Variants in ASIC2 observed in about 807,000 individuals in gnomAD.
The protein encoded by ASIC2 is acid sensing ion channel subunit 2.
A neutral mutation model predicts 57.3 loss-of-function variants in ASIC2; 25 were observed. That is an observed-to-expected ratio of 0.44 (90% CI 0.32 to 0.61). The LOEUF is 0.61. Among genes scored for constraint, ASIC2 ranks in the 20% least tolerant of loss-of-function variants. ASIC2 has a pLI of 0.06. For missense variants in ASIC2, 641 were observed against 738.1 expected (o/e 0.87, Z 1.52); for synonymous variants, 319 against 307.5 (o/e 1.04, Z -0.39).
chr17:33,774,099 G>C (rs911680123), intron 1 of ASIC2, among the ~76,000 whole-genome samples: 1 of 152,158 alleles, frequency 6.6e-6, no homozygotes, highest in African/African-American at 2.4e-5. Context: ...AGTGGCATGG[G>C]CAAGATAAAA....
At chr17:33,302,244 C>A (rs1424282451) in intron 1 of ASIC2, among the ~76,000 whole-genome samples, 1 of 152,192 alleles carries the variant, frequency 6.6e-6, no homozygotes, top group Admixed American at 6.5e-5. Context: ...CATAACAAAA[C>A]TCTCGTTAAA....
intron 1 of ASIC2, among the ~76,000 whole-genome samples, chr17:33,307,220 C>G (rs1189198404): frequency 6.6e-6 from 1 of 151,952 alleles, no homozygotes. Flanking sequence ...ATTTCTTTAC[C>G]TGGTGGTCTT....
chr17:33,208,676 T>C (rs534878310), intron 1 of ASIC2, among the ~76,000 whole-genome samples: 134 of 151,756 alleles, frequency 8.8e-4, no homozygotes, highest in Non-Finnish European at 1.7e-3. Context: ...TTATTATTAT[T>C]ATTATATTTA....
intron 1 of ASIC2, among the ~76,000 whole-genome samples, chr17:33,627,876 G>A (rs1399126227): frequency 2.0e-5 from 3 of 152,054 alleles, no homozygotes; most frequent in Admixed American, 6.5e-5. Context: ...TCTCCAGCTT[G>A]GATGTAAGAA....
At chr17:33,210,639 G>C (rs1432644523) in intron 1 of ASIC2, among the ~76,000 whole-genome samples, 2 of 152,178 alleles carry the variant, frequency 1.3e-5, no homozygotes, top group Non-Finnish European at 2.9e-5. Flanking sequence ...TCAAGTCCTG[G>C]CTGAGTGAGC....
intron 1 of ASIC2, among the ~76,000 whole-genome samples, chr17:34,059,459 T>C (rs1441621427): frequency 6.6e-6 from 1 of 152,164 alleles, no homozygotes; most frequent in East Asian, 1.9e-4. Flanking sequence ...AGCTGAGCTT[T>C]TTAACAACTT....
At chr17:33,632,180 G>A (rs1906195371) in intron 1 of ASIC2, among the ~76,000 whole-genome samples, 1 of 152,184 alleles carries the variant, frequency 6.6e-6, no homozygotes, top group Admixed American at 6.5e-5. Flanking sequence ...GAGGGTTTGT[G>A]ATGATCAAAT....
At chr17:33,937,707 A>G (rs181852351) in intron 1 of ASIC2, among the ~76,000 whole-genome samples, 460 of 152,290 alleles carry the variant, frequency 3.0e-3, no homozygotes, top group African/African-American at 0.01. Context: ...CCCTATCCAC[A>G]TTGCCAGGTA....
intron 1 of ASIC2, among the ~76,000 whole-genome samples, chr17:33,424,341 G>T (rs1911144404): frequency 6.6e-6 from 1 of 152,198 alleles, no homozygotes; most frequent in African/African-American, 2.4e-5. Context: ...TGGTCCTTTT[G>T]TCTGCACCAC....
At chr17:33,850,893 T>C (rs949085098) in intron 1 of ASIC2, among the ~76,000 whole-genome samples, 11 of 152,026 alleles carry the variant, frequency 7.2e-5, no homozygotes, top group Non-Finnish European at 1.6e-4. Flanking sequence ...CAAAATGACT[T>C]GGACTTGGCC....
At chr17:33,072,279 T>G (rs980480163) in intron 3 of ASIC2, among the ~76,000 whole-genome samples, 3 of 152,218 alleles carry the variant, frequency 2.0e-5, no homozygotes, top group Non-Finnish European at 4.4e-5. Flanking sequence ...TTGCCTAATA[T>G]TCAATGTCTT....
chr17:33,742,291 C>G (rs1182500244), intron 1 of ASIC2, among the ~76,000 whole-genome samples: 1 of 152,206 alleles, frequency 6.6e-6, no homozygotes, highest in Non-Finnish European at 1.5e-5. Flanking sequence ...GTCATTAAGC[C>G]TCTCTAACCA....
At chr17:33,932,027 CCT>C (rs753244575) in intron 1 of ASIC2, among the ~76,000 whole-genome samples, 20 of 152,146 alleles carry the variant, frequency 1.3e-4, no homozygotes, top group Admixed American at 7.2e-4. Flanking sequence ...CAATTTATAT[CCT>C]CTCTGCTTCC....
intron 1 of ASIC2, among the ~76,000 whole-genome samples, chr17:33,909,208 C>A (rs937088672): frequency 1.3e-5 from 2 of 152,158 alleles, no homozygotes; most frequent in African/African-American, 4.8e-5. Flanking sequence ...GCGCTCTTGG[C>A]AGTTTATTAC....
At chr17:33,766,122 G>T (rs892755448) in intron 1 of ASIC2, among the ~76,000 whole-genome samples, 7 of 152,170 alleles carry the variant, frequency 4.6e-5, no homozygotes, top group African/African-American at 1.7e-4. Context: ...CCAAAAACAG[G>T]TGAGTATGGT....
At chr17:33,981,149 A>G (rs940447880) in intron 1 of ASIC2, among the ~76,000 whole-genome samples, 1 of 151,594 alleles carries the variant, frequency 6.6e-6, no homozygotes, top group Non-Finnish European at 1.5e-5. Flanking sequence ...ACGGGGTTTC[A>G]CCATGTTGGC....
intron 1 of ASIC2, among the ~76,000 whole-genome samples, chr17:33,471,271 T>C (rs963837127): frequency 6.6e-6 from 1 of 152,218 alleles, no homozygotes; most frequent in African/African-American, 2.4e-5. Flanking sequence ...AGAAATTACC[T>C]AGTTGGGATT....
At chr17:33,084,228 T>C (rs2092125474) in intron 3 of ASIC2, among the ~76,000 whole-genome samples, 2 of 152,112 alleles carry the variant, frequency 1.3e-5, no homozygotes, top group Admixed American at 6.5e-5. Flanking sequence ...ATTTTACAGA[T>C]GGAAAAACTG....
At chr17:33,375,804 C>CAA (rs1909256223) in intron 1 of ASIC2, among the ~76,000 whole-genome samples, 1 of 152,158 alleles carries the variant, frequency 6.6e-6, no homozygotes, top group Non-Finnish European at 1.5e-5. Context: ...GGACAGGAGC[C>CAA]AAAGATGAAT....
Sources: allele counts gnomAD v4.1 joint callset (sites outside exome capture counted in the v4.1 genomes callset), GRCh38; gene constraint gnomAD v4.1.1; transcripts MANE v1.5; gene names NCBI Gene and HGNC (gene_info 2026-07-23, HGNC 2026-07-21).